CAPS2: variants seen among roughly 807,000 people sequenced by gnomAD.
CAPS2 encodes the protein calcyphosin-2.
Under a neutral mutation model 86.5 loss-of-function variants are expected in CAPS2, and 98 were observed. That is an observed-to-expected ratio of 1.13 (90% confidence interval 0.96 to 1.34). The LOEUF is 1.34. Among genes scored for constraint, CAPS2 ranks in the 40% most tolerant of loss-of-function variants. The probability of loss-of-function intolerance (pLI) is 0.00; values close to 1 mark genes in which losing one functional copy is unlikely to be tolerated. For missense variants in CAPS2, 729 were observed against 686.8 expected (o/e 1.06, Z -0.69); for synonymous variants, 210 against 225.1 (o/e 0.93, Z 0.60).
At chr12:75,318,850 T>A (rs906327840) in intron 5 of CAPS2, among the ~76,000 whole-genome samples, 19 of 152,240 alleles carry the variant, frequency 1.2e-4, no homozygotes, top group South Asian at 6.2e-4. Context: ...ATTCACTGAC[T>A]TACCCCCAGT....
At chr12:75,290,895 G>A (rs1056228581) in intron 13 of CAPS2, among the ~76,000 whole-genome samples, 6 of 148,568 alleles carry the variant, frequency 4.0e-5, no homozygotes, top group Non-Finnish European at 7.4e-5. Flanking sequence ...TTGCACTCCA[G>A]CCCAGGCAAT....
chr12:75,291,232 A>G (rs1193485244), intron 13 of CAPS2, among the ~76,000 whole-genome samples: 1 of 151,734 alleles, frequency 6.6e-6, no homozygotes, highest in East Asian at 2.0e-4. Context: ...CCAAACATCA[A>G]TCTGGCTCCC....
intron 8 of CAPS2, among the ~76,000 whole-genome samples, chr12:75,302,673 A>G (rs973840694): frequency 1.3e-5 from 2 of 152,250 alleles, no homozygotes; most frequent in African/African-American, 4.8e-5. Context: ...TTTCTAAAAC[A>G]TGTAAATAAG....
chr12:75,333,737 C>A (rs151065781), upstream of CAPS2: 75 of 152,244 alleles, frequency 4.9e-4, no homozygotes, highest in African/African-American at 1.8e-3. Flanking sequence ...TATGGCGGAT[C>A]ATTCAGCAGA....
chr12:75,376,813 C>T (rs1208401950), intron 1 of CAPS2, among the ~76,000 whole-genome samples: 1 of 152,122 alleles, frequency 6.6e-6, no homozygotes, highest in East Asian at 1.9e-4. Context: ...ATGATAAGAG[C>T]TTTTGTCTGA....
intron 2 of CAPS2, among the ~76,000 whole-genome samples, chr12:75,324,167 G>A (rs1410484422): frequency 6.6e-6 from 1 of 152,140 alleles, no homozygotes; most frequent in Admixed American, 6.5e-5. Context: ...AATCACTCAT[G>A]TCACTTTTTA....
chr12:75,361,267 A>G (rs1284565300), intron 1 of CAPS2, among the ~76,000 whole-genome samples: 1 of 152,176 alleles, frequency 6.6e-6, no homozygotes, highest in Non-Finnish European at 1.5e-5. Flanking sequence ...CAGTGTAGAA[A>G]ACTAATTAGG....
exon 17 of CAPS2, chr12:75,278,143 G>A (rs183727431): frequency 6.8e-5 from 64 of 936,852 alleles, no homozygotes; most frequent in African/African-American, 5.3e-4. Context: ...AATAACAATC[G>A]TATGCTGGTA....
At chr12:75,301,840 T>C (rs2037856734) in intron 8 of CAPS2, among the ~76,000 whole-genome samples, 1 of 152,218 alleles carries the variant, frequency 6.6e-6, no homozygotes, top group South Asian at 2.1e-4. Flanking sequence ...CAAAGTGCCA[T>C]GTTGGGTTTT....
chr12:75,317,700 TA>T (rs2039906789), intron 5 of CAPS2, among the ~76,000 whole-genome samples: 1 of 152,200 alleles, frequency 6.6e-6, no homozygotes. Flanking sequence ...TTAAAAATTG[TA>T]AATATGCAAT....
At position 75,343,818 on chromosome 12, in the gene CAPS2, C is replaced by G. The variant is rs146908424; in HGVS notation, c.-394-20596G>C. ...CTTTTGAATATGTTGGAGAAAATAT[C>G]TGGTTAGGTGGAATAAAGTCATTCA... On this transcript the variant is annotated intron_variant, in intron 1 of 5. Transcript: ENST00000551829. The G allele has an allele frequency of 9.3e-6, 15 of 1,613,376 alleles. No individual in the cohort carries two copies. The African/African-American group carries it at 2.0e-4, about 22-fold the overall frequency.
chr12:75,309,332 G>A (rs922919022), intron 7 of CAPS2, among the ~76,000 whole-genome samples: 3 of 152,130 alleles, frequency 2.0e-5, no homozygotes, highest in African/African-American at 4.8e-5. Flanking sequence ...GCTTTGCTTC[G>A]CTATCTGCGT....
At chr12:75,331,724 C>T (rs2041331784), upstream of CAPS2, among the ~76,000 whole-genome samples, 3 of 151,752 alleles carry the variant, frequency 2.0e-5, no homozygotes, top group East Asian at 1.9e-4. Flanking sequence ...CCACTACGCC[C>T]GGCTAATTTT....
chr12:75,354,000 A>G (rs998851399), intron 1 of CAPS2, among the ~76,000 whole-genome samples: 9 of 152,176 alleles, frequency 5.9e-5, no homozygotes, highest in Non-Finnish European at 1.3e-4. Context: ...ACATCAAAAA[A>G]TAAGAGCCAT....
chr12:75,383,143 T>G (rs1001833342), intron 1 of CAPS2, among the ~76,000 whole-genome samples: 6 of 152,194 alleles, frequency 3.9e-5, no homozygotes, highest in Admixed American at 1.3e-4. Context: ...CTCTTTAAAT[T>G]TTTTGAAAAT....
chr12:75,325,811 G>A (rs556398518), intron 1 of CAPS2, among the ~76,000 whole-genome samples: 18 of 152,086 alleles, frequency 1.2e-4, no homozygotes, highest in Admixed American at 1.0e-3. Context: ...AGTGTGAGGG[G>A]GGGTAGGGCC....
intron 2 of CAPS2, among the ~76,000 whole-genome samples, chr12:75,324,944 T>C (rs1244961746): frequency 6.6e-6 from 1 of 152,148 alleles, no homozygotes; most frequent in Admixed American, 6.5e-5. Flanking sequence ...ATCTCTTTAA[T>C]GAATGCATAT....
rs558191856 is a variant in CAPS2, at chr12:75,384,460, T to C, written c.-395+6378A>G. ...CTCTCACAACTCATGCAAGAAGAAATAGACAATCTGAAGAGGCCTATTCCT... is the reference window on the plus strand; with the variant it reads ...CTCTCACAACTCATGCAAGAAGAAACAGACAATCTGAAGAGGCCTATTCCT... On this transcript the variant is annotated intron_variant, in intron 1 of 5. Transcript: ENST00000551829. 6.6e-5 allele frequency among the ~76,000 whole-genome samples: 10 copies of C among 152,160 alleles called. 1 individual carries two copies. The South Asian group carries it at 1.9e-3, about 28-fold the overall frequency.
intron 6 of CAPS2, 29 bp from the exon 7 acceptor site, chr12:75,312,944 C>T (rs772110383): frequency 8.1e-6 from 11 of 1,360,290 alleles, no homozygotes; most frequent in Non-Finnish European, 1.2e-5. Context: ...GACAACTTCA[C>T]CATCCATAAA....
Sources: gnomAD v4.1 joint callset for allele counts (sites outside exome capture counted in the v4.1 genomes callset) on GRCh38, gnomAD v4.1.1 for gene constraint, MANE v1.5 for transcripts, NCBI Gene and HGNC (gene_info 2026-07-23, HGNC 2026-07-21) for gene names.